Variants in SRCAP observed in about 807,000 individuals in gnomAD.
The protein encoded by SRCAP is Snf2 related CREBBP activator protein, also known as chromatin remodeling protein SRCAP.
In SRCAP, 46 loss-of-function variants were observed where a neutral mutation model predicts 263.1. The observed-to-expected ratio is 0.17, with a 90% CI of 0.14 to 0.22. The LOEUF (loss-of-function observed/expected upper bound fraction) is 0.22, where lower values mean the gene tolerates loss of function less well. SRCAP is among the 10% of genes least tolerant of loss of function. The pLI is 1.00. For missense variants in SRCAP, 3,695 were observed against 4,181.9 expected (o/e 0.88, Z 3.21); for synonymous variants, 1,813 against 1,662.1 (o/e 1.09, Z -2.21).
intron 16 of SRCAP, among the ~76,000 whole-genome samples, chr16:30,714,241 T>G (rs557742161): frequency 1.6e-4 from 25 of 151,970 alleles, no homozygotes; most frequent in Non-Finnish European, 3.4e-4. Flanking sequence ...ATTTTTTGTA[T>G]TTTTAGTAGA....
intron 31 of SRCAP, 30 bp from the exon 32 acceptor site, chr16:30,736,170 G>A (rs552547191): frequency 1.2e-6 from 2 of 1,611,956 alleles, no homozygotes; most frequent in South Asian, 2.2e-5. Context: ...GAAGTCTCAT[G>A]TTTTCTTTTT....
Position 30,739,288 on chromosome 16 carries a change from G to C in SRCAP, c.9248G>C (p.Gly3083Ala), listed in dbSNP as rs774678280. ...AEGMRGRKSG[G>A]SMVVAVIQDD... ...GGAATGCGAGGACGGAAGAGTGGAGGGTCCATGGTGGTGGCTGTAATTCAG... is the reference window on the plus strand; with the variant it reads ...GGAATGCGAGGACGGAAGAGTGGAGCGTCCATGGTGGTGGCTGTAATTCAG... The change falls in exon 34 of 34, where the codon GGG (glycine) becomes GCG (alanine). Residue 3083 changes from glycine (G) to alanine (A), a missense_variant. Around this residue, in one of 12 missense-constraint regions of SRCAP, gnomAD observed 1,207 missense variants for 1,142.9 expected, o/e 1.06. Transcript: ENST00000262518. 6.2e-7 allele frequency: 1 copy of C among 1,614,130 alleles called. No homozygotes were observed. The highest frequency in any genetic ancestry group is 8.5e-7 in the Non-Finnish European group (1 of 1,180,030).
intron 17 of SRCAP, 32 bp from the exon 18 acceptor site, chr16:30,716,261 G>A: frequency 1.9e-6 from 3 of 1,613,362 alleles, no homozygotes; most frequent in South Asian, 2.2e-5. Context: ...GTGGCTGTTA[G>A]GACGTCTCAT....
At chr16:30,727,270 G>A (rs746711535) in intron 25 of SRCAP, among the ~76,000 whole-genome samples, 2 of 152,198 alleles carry the variant, frequency 1.3e-5, no homozygotes, top group Non-Finnish European at 2.9e-5. Context: ...GGCCATTTGT[G>A]TATCTTTGAA....
In SRCAP at chr16:30,712,003, T is replaced by TG; in HGVS notation, c.1662dup (p.Leu555AlafsTer5). On this transcript the variant is annotated frameshift_variant, in exon 12 of 34. Transcript: ENST00000262518. LOFTEE classifies it high-confidence loss of function. ...GATGATGATTTTGGGGTGGAGTACT[T>TG]GCTTGCCAGGGATGAAGAGCAGAGT... The TG allele has an allele frequency of 6.2e-7, 1 of 1,613,918 alleles. No homozygotes were observed. Among genetic ancestry groups the TG allele is most frequent in the Non-Finnish European group, 8.5e-7 (1 of 1,180,002 alleles).
At chr16:30,713,470 T>G in intron 15 of SRCAP, 49 bp from the exon 16 acceptor site, 1 of 1,611,672 alleles carries the variant, frequency 6.2e-7, no homozygotes. Context: ...CTCAGAAGGT[T>G]GGGAGCTTGC....
intron 3 of SRCAP, among the ~76,000 whole-genome samples, chr16:30,702,617 C>CTCCTTCCT (rs1248765331): frequency 3.0e-5 from 4 of 134,380 alleles, no homozygotes; most frequent in Non-Finnish European, 6.4e-5. Context: ...CCCTCCCTCC[C>CTCCTTCCT]TCCTTCCTTC....
At chr16:30,710,223 T>C (rs1161594535) in intron 8 of SRCAP, 95 bp downstream of exon 8, 2 of 1,315,690 alleles carry the variant, frequency 1.5e-6, no homozygotes, top group Middle Eastern at 2.6e-4. Flanking sequence ...TTATGAGTTT[T>C]AGGAGTTCTG....
At chr16:30,702,443 A>G (rs1248104055) in intron 3 of SRCAP, among the ~76,000 whole-genome samples, 1 of 151,848 alleles carries the variant, frequency 6.6e-6, no homozygotes, top group Non-Finnish European at 1.5e-5. Context: ...CATGTAGGTT[A>G]GGCTGGTCTC....
chr16:30,703,505 A>T (rs185214745), intron 3 of SRCAP, among the ~76,000 whole-genome samples: 1,554 of 151,584 alleles, frequency 0.01, 33 homozygotes, highest in African/African-American at 0.035. Flanking sequence ...ATATATATAT[A>T]TATTTTTAAG....
rs2052756732 is a variant in SRCAP at position 30,700,737 on chromosome 16, G to A, written c.-88G>A. 1 of 1,337,884 alleles carries A rather than the reference G, an allele frequency of 7.5e-7. No individual in the cohort carries two copies. The highest frequency in any genetic ancestry group is 1.1e-6 in the Non-Finnish European group (1 of 948,026). 82.9% of individuals were successfully genotyped at this position (1,337,884 alleles called of 1,614,324 possible). ...AGGCCAGCTCCCAGCATGCCCTGCA[G>A]CCGGACGCCAGCCCCTCGGCCAGCA... On this transcript the variant is annotated 5_prime_UTR_variant, in exon 3 of 34. Transcript: ENST00000262518.
At chr16:30,722,086 G>A (rs1465207638) in intron 21 of SRCAP, 36 bp from the exon 22 acceptor site, 2 of 1,596,136 alleles carry the variant, frequency 1.3e-6, no homozygotes. Flanking sequence ...TGAGCAGGAT[G>A]AGCCTTGTGT....
chr16:30,724,289 T>C lies in SRCAP; in HGVS notation c.4865T>C (p.Leu1622Pro). The C allele has an allele frequency of 1.9e-6, 3 of 1,614,156 alleles. No individual in the cohort carries two copies. The highest frequency in any genetic ancestry group is 2.2e-5 in the South Asian group (2 of 91,076). ...CCATCGCCAGGTGCTGCTCCTGTCC[T>C]GGCTTCATCACAGACTCCGGTTCCA... ...LAPSPGAAPV[L>P]ASSQTPVPVM... Residue 1622 changes from leucine (L) to proline (P), a missense_variant, in exon 25 of 34, where the codon CTG (leucine) becomes CCG (proline). Leu to Pro is a moderately conservative substitution (Grantham distance 98). Transcript: ENST00000262518.
chr16:30,728,033 C>CTT (rs1188088042), intron 25 of SRCAP, among the ~76,000 whole-genome samples: 4 of 152,162 alleles, frequency 2.6e-5, no homozygotes, highest in Admixed American at 6.5e-5. Context: ...GGAACTAGCT[C>CTT]TTTGAGTTTA....
rs2053172415 is a variant in SRCAP, at chr16:30,737,513, T to C, written c.7473T>C (p.Ile2491=). Residue 2491 remains isoleucine (I), a synonymous_variant, in exon 34 of 34, where the codon ATT becomes ATC. Transcript: ENST00000262518. ...ILPSPPPPSQ[I]PPCSSPACTP... ...CTTCTCCTCCCCCTCCTTCACAGATTCCTCCTTGTTCTTCTCCTGCCTGCA... is the reference window on the plus strand; with the variant it reads ...CTTCTCCTCCCCCTCCTTCACAGATCCCTCCTTGTTCTTCTCCTGCCTGCA... The C allele has an allele frequency of 2.5e-6, 4 of 1,602,248 alleles. No homozygotes were observed. In the East Asian group the frequency reaches 8.9e-5, roughly 36 times the overall value.
At chr16:30,703,258 C>A (rs2052789530) in intron 3 of SRCAP, among the ~76,000 whole-genome samples, 1 of 151,404 alleles carries the variant, frequency 6.6e-6, no homozygotes, top group African/African-American at 2.4e-5. Context: ...GATCTCGGCT[C>A]ACTGCAACCT....
intron 25 of SRCAP, chr16:30,726,371 G>T (rs2053064730): frequency 6.6e-6 from 1 of 152,226 alleles, no homozygotes; most frequent in African/African-American, 2.4e-5. Context: ...GTTTCTGTTA[G>T]ATACATACTG....
chr16:30,733,421 A>C lies in SRCAP; in HGVS notation c.6269A>C (p.Asp2090Ala). 6.2e-7 allele frequency: 1 copy of C among 1,614,058 alleles called. No homozygotes were observed. Among genetic ancestry groups the C allele is most frequent in the South Asian group, 1.1e-5 (1 of 91,072 alleles). ...TYHGHLYLRLDGSTRVEQRQA... is the reference protein window; with the variant it reads ...TYHGHLYLRLAGSTRVEQRQA... ...CATGGCCATCTCTACCTGCGCCTGG[A>C]TGGATCTACTAGAGTTGAACAGAGA... The change falls in exon 28 of 34, where the codon GAT becomes GCT. Residue 2090 changes from aspartate (D) to alanine (A), a missense_variant. This residue lies in a region of SRCAP where 138 missense variants were observed against 254.9 expected (regional missense o/e 0.54). Coordinates refer to ENST00000262518, the MANE Select transcript of SRCAP (RefSeq NM_006662.3). The surrounding 1 kb of genome is among the most constrained non-coding windows in gnomAD (Gnocchi z 5.3).
At chr16:30,705,027 G>A (rs543196749) in intron 4 of SRCAP, among the ~76,000 whole-genome samples, 6 of 152,338 alleles carry the variant, frequency 3.9e-5, no homozygotes, top group South Asian at 2.1e-4. Context: ...TTTGCCGGGC[G>A]TGGTGGCTCA....
Sources: gnomAD v4.1 joint callset for allele counts (sites outside exome capture counted in the v4.1 genomes callset) on GRCh38, gnomAD v4.1.1 for gene constraint, gnomAD v4.1.1 regional missense constraint, Gnocchi (gnomAD v3.1) non-coding constraint, MANE v1.5 for transcripts, NCBI Gene and HGNC (gene_info 2026-07-23, HGNC 2026-07-21) for gene names.